Variants in PLA2G4E observed in about 807,000 individuals in gnomAD.
The protein encoded by PLA2G4E is phospholipase A2 group IVE.
A neutral mutation model predicts 109.1 loss-of-function variants in PLA2G4E; 84 were observed. The ratio of observed to expected loss-of-function variants is 0.77; its 90% confidence interval spans 0.65 to 0.92. The LOEUF (loss-of-function observed/expected upper bound fraction) is 0.92. Ranked by LOEUF, PLA2G4E falls within the 40% of genes least tolerant of loss-of-function variation. The pLI is 0.00. For missense variants in PLA2G4E, 1,057 were observed against 1,076.6 expected (o/e 0.98, Z 0.25); for synonymous variants, 469 against 436.1 (o/e 1.08, Z -0.94).
intron 18 of PLA2G4E, among the ~76,000 whole-genome samples, chr15:41,984,825 G>A (rs2068114465): frequency 6.6e-6 from 1 of 152,200 alleles, no homozygotes; most frequent in Non-Finnish European, 1.5e-5. Flanking sequence ...GTTGCAAGCT[G>A]CTTCCCCAAG....
exon 20 of PLA2G4E, chr15:41,983,540 A>G: frequency 1.7e-6 from 1 of 576,242 alleles, no homozygotes. Flanking sequence ...AAGAAACTCT[A>G]GTGGGTATAA....
rs780328198 is a variant in PLA2G4E, at chr15:41,987,221, C to A, written c.1986G>T (p.Leu662=). The A allele has an allele frequency of 1.2e-5, 19 of 1,614,020 alleles. 1 individual carries two copies. The South Asian group carries it at 2.1e-4, about 18-fold the overall frequency. ...TCTGGAGGTAGTTGGTGTGCAGCTG[C>A]AGCCCAGACAGGAAGTTGTGAAACT... The change falls in exon 17 of 20, where the codon CTG becomes CTT. Residue 662 remains leucine (L), a synonymous_variant. Coordinates refer to ENST00000399518, the Ensembl canonical transcript of PLA2G4E.
chr15:41,989,653 A>C, intron 14 of PLA2G4E, 101 bp from the exon 15 acceptor site: 1 of 1,467,836 alleles, frequency 6.8e-7, no homozygotes, highest in South Asian at 1.3e-5. Context: ...AGGCCTTGGA[A>C]AGCCTGGGAC....
intron 13 of PLA2G4E, 38 bp downstream of exon 13, chr15:41,992,699 C>T: frequency 1.3e-6 from 2 of 1,590,992 alleles, no homozygotes; most frequent in Non-Finnish European, 8.6e-7. Flanking sequence ...AGGCATCAGC[C>T]AGGGCAGGGT....
chr15:41,987,401 C>A, intron 16 of PLA2G4E, 26 bp from the exon 17 acceptor site: 2 of 1,603,316 alleles, frequency 1.2e-6, no homozygotes, highest in Non-Finnish European at 1.7e-6. Context: ...GGATGAAGGG[C>A]AGGTCATGAG....
chr15:41,990,301 G>A (rs1261584329), intron 13 of PLA2G4E, 66 bp from the exon 14 acceptor site: 3 of 1,434,342 alleles, frequency 2.1e-6, no homozygotes, highest in East Asian at 2.3e-5. Context: ...AGTGCAGAAT[G>A]AGAAGACAAT....
At chr15:41,996,358 A>AAC (rs2068340253) in intron 11 of PLA2G4E, among the ~76,000 whole-genome samples, 1 of 101,192 alleles carries the variant, frequency 9.9e-6, no homozygotes, top group African/African-American at 3.3e-5. Flanking sequence ...AAGAAAAAAA[A>AAC]AAAAAAAAAA....
intron 1 of PLA2G4E, among the ~76,000 whole-genome samples, chr15:42,046,446 C>T (rs1323691098): frequency 6.6e-6 from 1 of 152,228 alleles, no homozygotes; most frequent in African/African-American, 2.4e-5. Context: ...CTTGTGTCCA[C>T]CTCAGGGCCT....
intron 5 of PLA2G4E, among the ~76,000 whole-genome samples, chr15:42,004,173 G>A (rs2068449132): frequency 1.3e-5 from 2 of 152,132 alleles, no homozygotes; most frequent in African/African-American, 4.8e-5. Context: ...ATGGTGGTGT[G>A]TTCCTGTAAT....
intron 1 of PLA2G4E, among the ~76,000 whole-genome samples, chr15:42,045,079 G>T (rs1046164168): frequency 3.9e-5 from 6 of 152,192 alleles, no homozygotes; most frequent in Non-Finnish European, 8.8e-5. Flanking sequence ...GACCCAGCAG[G>T]TGAAGGTACA....
intron 3 of PLA2G4E, among the ~76,000 whole-genome samples, chr15:42,006,715 T>G (rs1216543265): frequency 6.6e-6 from 1 of 152,200 alleles, no homozygotes; most frequent in Non-Finnish European, 1.5e-5. Context: ...AGGTCAGTGT[T>G]CTCAGGTGAC....
chr15:41,988,744 C>T (rs548049981), intron 15 of PLA2G4E, among the ~76,000 whole-genome samples: 1 of 152,336 alleles, frequency 6.6e-6, no homozygotes, highest in South Asian at 2.1e-4. Context: ...TTCTAAACCA[C>T]ATGCTCATCA....
At chr15:42,000,125 G>A (rs1428260819) in exon 8 of PLA2G4E, 1 of 1,591,872 alleles carries the variant, frequency 6.3e-7, no homozygotes, top group Non-Finnish European at 8.6e-7. Context: ...AGTGACTCTT[G>A]GGCACTTCCA....
At chr15:42,041,509 G>A (rs891089448) in intron 1 of PLA2G4E, among the ~76,000 whole-genome samples, 4 of 152,022 alleles carry the variant, frequency 2.6e-5, no homozygotes, top group African/African-American at 9.7e-5. Flanking sequence ...GAAAGAGGTT[G>A]GGACTCGGAC....
At chr15:41,983,510 T>G in exon 20 of PLA2G4E, 1 of 510,168 alleles carries the variant, frequency 2.0e-6, no homozygotes, top group Non-Finnish European at 3.5e-6. Context: ...GAGACCACCT[T>G]CTCTATAGGG....
At chr15:42,000,557 T>C (rs1220813570) in intron 7 of PLA2G4E, among the ~76,000 whole-genome samples, 1 of 152,206 alleles carries the variant, frequency 6.6e-6, no homozygotes, top group Non-Finnish European at 1.5e-5. Flanking sequence ...GGCTCAGCTT[T>C]GCCAGAAGAT....
At chr15:42,028,407 A>ATTTATTTATTTATTTC (rs1555388346) in intron 1 of PLA2G4E, among the ~76,000 whole-genome samples, 1 of 139,710 alleles carries the variant, frequency 7.2e-6, no homozygotes, top group African/African-American at 2.5e-5. Context: ...TTATTTATTT[A>ATTTATTTATTTATTTC]TTTATTTATT....
chr15:42,050,124 G>T lies in PLA2G4E; in HGVS notation c.183+397C>A, dbSNP rs923551823. On this transcript the variant is annotated intron_variant, in intron 1 of 19. Coordinates refer to ENST00000399518, the Ensembl canonical transcript of PLA2G4E. ...AGGCACTCTGCCAGGGGCTTCACAT[G>T]CATGGTCTTGTTCACTCTTCTCAGC... 3.3e-5 allele frequency among the ~76,000 whole-genome samples: 5 copies of T among 152,318 alleles called. No homozygotes were observed. In the East Asian group the frequency reaches 9.6e-4, roughly 29 times the overall value.
intron 13 of PLA2G4E, 129 bp downstream of exon 13, chr15:41,992,608 G>C: frequency 1.1e-6 from 1 of 876,160 alleles, no homozygotes; most frequent in Non-Finnish European, 1.7e-6. Context: ...CGGTCTTCCA[G>C]CCCAAGGATA....
Sources: allele counts gnomAD v4.1 joint callset (sites outside exome capture counted in the v4.1 genomes callset), GRCh38; gene constraint gnomAD v4.1.1; transcripts MANE v1.5; gene names NCBI Gene and HGNC (gene_info 2026-07-23, HGNC 2026-07-21).